CADPS: variants seen among roughly 807,000 people sequenced by gnomAD.
CADPS encodes calcium dependent secretion activator.
A neutral mutation model predicts 167.3 loss-of-function variants in CADPS; 57 were observed. That is an observed-to-expected ratio of 0.34 (90% CI 0.28 to 0.42). The LOEUF (loss-of-function observed/expected upper bound fraction) is 0.42, where lower values mean the gene tolerates loss of function less well. CADPS is among the 20% of genes least tolerant of loss of function. The pLI, the probability that CADPS is intolerant of heterozygous loss-of-function variation, is 1.00. For synonymous variants in CADPS, 676 were observed against 635.3 expected, an observed-to-expected ratio of 1.06 and a Z score of -0.96; for missense variants, 1,414 against 1,738.1, an observed-to-expected ratio of 0.81 and a Z score of 3.32.
chr3:62,536,794 T>C (rs2074772653), intron 11 of CADPS, among the ~76,000 whole-genome samples: 1 of 152,198 alleles, frequency 6.6e-6, no homozygotes, highest in African/African-American at 2.4e-5. Flanking sequence ...AAGAAGATAT[T>C]GGCATCAACA....
chr3:62,593,211 ATTTT>A (rs1313764555), intron 6 of CADPS, among the ~76,000 whole-genome samples: 2 of 152,182 alleles, frequency 1.3e-5, no homozygotes, highest in African/African-American at 4.8e-5. Flanking sequence ...GGGGAGCCCC[ATTTT>A]CACTGGCATT....
chr3:62,439,440 G>T (rs964453803), intron 27 of CADPS: 3 of 152,182 alleles, frequency 2.0e-5, no homozygotes, highest in African/African-American at 7.2e-5. Context: ...GAAAAACAAT[G>T]AGGACAACCC....
intron 2 of CADPS, among the ~76,000 whole-genome samples, chr3:62,760,792 T>TA (rs1329500703): frequency 6.6e-6 from 1 of 152,138 alleles, no homozygotes; most frequent in Non-Finnish European, 1.5e-5. Context: ...TCCTCTTAAA[T>TA]AAAAAAAGTT....
At chr3:62,610,223 TTTTCTTTTTCTTCCTTTTCTTTTC>T (rs2061317767) in intron 6 of CADPS, among the ~76,000 whole-genome samples, 1 of 151,994 alleles carries the variant, frequency 6.6e-6, no homozygotes, top group African/African-American at 2.4e-5. Flanking sequence ...TCTTTCTTTC[TTTTCTTTTTCTTCCTTTTCTTTTC>T]TTTCTTTTCT....
intron 3 of CADPS, among the ~76,000 whole-genome samples, chr3:62,746,163 T>C (rs553096307): frequency 8.5e-5 from 13 of 152,238 alleles, no homozygotes; most frequent in Admixed American, 3.3e-4. Flanking sequence ...CACCCTTGAG[T>C]GTGGGAGGAA....
intron 16 of CADPS, 54 bp from the exon 17 acceptor site, chr3:62,512,822 T>C: frequency 6.7e-7 from 1 of 1,501,858 alleles, no homozygotes; most frequent in Non-Finnish European, 9.2e-7. Context: ...CAAGAACACA[T>C]ATGCAGAATT....
chr3:62,744,548 A>C (rs1341240479), intron 3 of CADPS, among the ~76,000 whole-genome samples: 1 of 152,230 alleles, frequency 6.6e-6, no homozygotes, highest in African/African-American at 2.4e-5. Context: ...TTCAAAGGTT[A>C]GTAAAATATC....
At chr3:62,612,248 T>C (rs1193572268) in intron 6 of CADPS, among the ~76,000 whole-genome samples, 3 of 152,230 alleles carry the variant, frequency 2.0e-5, no homozygotes, top group Non-Finnish European at 2.9e-5. Context: ...TTATCAGAGT[T>C]CTTATGAAGT....
chr3:62,568,474 C>T (rs976701514), intron 9 of CADPS, among the ~76,000 whole-genome samples: 1 of 152,216 alleles, frequency 6.6e-6, no homozygotes, highest in Admixed American at 6.5e-5. Flanking sequence ...TCCTTCTGTT[C>T]CTAATGCCCT....
At chr3:62,612,794 C>A (rs1315247218) in intron 6 of CADPS, among the ~76,000 whole-genome samples, 1 of 152,136 alleles carries the variant, frequency 6.6e-6, no homozygotes, top group Non-Finnish European at 1.5e-5. Flanking sequence ...ACTGATTTAG[C>A]CTCCTTTGTT....
At position 62,651,040 on chromosome 3, in the gene CADPS, T is replaced by C; in HGVS notation, c.1010A>G (p.Asn337Ser). Residue 337 changes from asparagine (N) to serine (S), a missense_variant, in exon 5 of 30, where the codon AAC (asparagine) becomes AGC (serine). By Grantham distance (46) the Asn-to-Ser change is conservative (BLOSUM62 1). This residue lies in a region of CADPS where 522 missense variants were observed against 559.5 expected (regional missense o/e 0.93). Coordinates refer to ENST00000383710, the MANE Select transcript of CADPS (RefSeq NM_003716.4). ...FPKFVSKEME[N>S]MYIEELKSSV... is the part of the protein sequence containing the mutation. ...TGACTTCAGCTCCTCAATGTACATG[T>C]TTTCCATTTCTTTGGATACAAACTT... The C allele has an allele frequency of 6.2e-7, 1 of 1,613,972 alleles. No individual in the cohort carries two copies. The highest frequency in any genetic ancestry group is 8.5e-7 in the Non-Finnish European group (1 of 1,179,910).
intron 11 of CADPS, among the ~76,000 whole-genome samples, chr3:62,545,292 A>G (rs2076279310): frequency 1.3e-5 from 2 of 152,092 alleles, no homozygotes; most frequent in Non-Finnish European, 2.9e-5. Flanking sequence ...CTGTTCCACT[A>G]ACACATAATG....
At chr3:62,585,104 A>T in intron 8 of CADPS, 81 bp downstream of exon 8, 1 of 1,304,900 alleles carries the variant, frequency 7.7e-7, no homozygotes, top group Non-Finnish European at 1.1e-6. Flanking sequence ...TTCTCTGAAG[A>T]TCTTGTGTTT....
At chr3:62,790,322 T>G (rs963591337) in intron 1 of CADPS, among the ~76,000 whole-genome samples, 2 of 152,194 alleles carry the variant, frequency 1.3e-5, no homozygotes, top group African/African-American at 4.8e-5. Context: ...TTTTTCTAAA[T>G]TCCTATGATG....
At chr3:62,511,682 CT>C (rs1369340867) in intron 17 of CADPS, among the ~76,000 whole-genome samples, 1 of 152,132 alleles carries the variant, frequency 6.6e-6, no homozygotes, top group African/African-American at 2.4e-5. Flanking sequence ...TCCTTACCAT[CT>C]CGTGAAGACT....
chr3:62,666,957 T>C (rs1476149704), intron 3 of CADPS, among the ~76,000 whole-genome samples: 2 of 152,022 alleles, frequency 1.3e-5, no homozygotes, highest in African/African-American at 4.8e-5. Context: ...CATTTTATCT[T>C]GCATAGCTAT....
At chr3:62,567,551 T>A (rs752370426) in intron 9 of CADPS, among the ~76,000 whole-genome samples, 1 of 131,750 alleles carries the variant, frequency 7.6e-6, no homozygotes, top group Non-Finnish European at 1.6e-5. Context: ...GAACCATCCA[T>A]GACTAAGCAC....
chr3:62,402,482 G>A (rs774316323), intron 29 of CADPS, among the ~76,000 whole-genome samples: 3 of 152,012 alleles, frequency 2.0e-5, no homozygotes, highest in Non-Finnish European at 4.4e-5. Context: ...GAGATTTCAC[G>A]CTGAAATAAT....
At chr3:62,518,914 A>G (rs980347667) in intron 13 of CADPS, among the ~76,000 whole-genome samples, 2 of 152,138 alleles carry the variant, frequency 1.3e-5, no homozygotes, top group African/African-American at 2.4e-5. Context: ...AACAAACCAC[A>G]TGTTTTCCAA....
Sources: gnomAD v4.1 joint callset for allele counts (sites outside exome capture counted in the v4.1 genomes callset) on GRCh38, gnomAD v4.1.1 for gene constraint, gnomAD v4.1.1 regional missense constraint, MANE v1.5 for transcripts, NCBI Gene and HGNC (gene_info 2026-07-23, HGNC 2026-07-21) for gene names.